FAR1: variants seen among roughly 807,000 people sequenced by gnomAD.
FAR1 encodes fatty acyl-CoA reductase 1.
In FAR1, 22 loss-of-function variants were observed where a neutral mutation model predicts 61.1. The ratio of observed to expected loss-of-function variants is 0.36; its 90% CI spans 0.26 to 0.51. FAR1 has a LOEUF of 0.51. Among genes scored for constraint, FAR1 ranks in the 20% least tolerant of loss-of-function variants. FAR1 has a pLI of 0.95. For synonymous variants in FAR1, 206 were observed against 209.7 expected, an observed-to-expected ratio of 0.98 and a Z score of 0.15; for missense variants, 359 against 626.9, an observed-to-expected ratio of 0.57 and a Z score of 4.56.
At chr11:13,723,500 CTTTA>C in intron 10 of FAR1, 1 of 334,076 alleles carries the variant, frequency 3.0e-6, no homozygotes, top group South Asian at 2.5e-5. Context: ...TCCATTTTCT[CTTTA>C]TGTTTGCCGC....
chr11:13,694,162 G>C (rs1848284326), intron 1 of FAR1, among the ~76,000 whole-genome samples: 1 of 152,128 alleles, frequency 6.6e-6, no homozygotes, highest in Non-Finnish European at 1.5e-5. Context: ...AATTTGGGTA[G>C]AGAAGATAAG....
chr11:13,717,797 C>T (rs1848571215), intron 9 of FAR1, among the ~76,000 whole-genome samples: 1 of 152,174 alleles, frequency 6.6e-6, no homozygotes, highest in African/African-American at 2.4e-5. Flanking sequence ...GACTGTGTCC[C>T]AGTAAAACTT....
Position 13,675,123 on chromosome 11 carries a change from G to A in FAR1, c.-8+6317G>A, listed in dbSNP as rs115627676. ...TATAATAATAGACATGTTAATCCAA[G>A]TGAGGTGCAAATTTGTTCATATAAA... On this transcript the variant is annotated intron_variant, in intron 1 of 11. Transcript: ENST00000354817. 3.0e-3 allele frequency among the ~76,000 whole-genome samples: 456 copies of A among 150,284 alleles called. 4 individuals carry two copies. The highest frequency in any genetic ancestry group is 0.011 in the African/African-American group (436 of 40,764).
chr11:13,728,937 CT>C lies in FAR1; in HGVS notation c.*164del. On this transcript the variant is annotated 3_prime_UTR_variant, in exon 12 of 12. Transcript: ENST00000354817. ...TTTATGTAACATTTTAATGTTTATG[CT>C]CATAAAACTTAGTGAACACACTGTG... The C allele has an allele frequency of 1.6e-6, 1 of 617,230 alleles. No homozygotes were observed. Among genetic ancestry groups the C allele is most frequent in the Non-Finnish European group, 2.7e-6 (1 of 372,138 alleles). 38.2% of individuals were successfully genotyped at this position (617,230 alleles called of 1,614,324 possible). A position where few individuals can be genotyped will look rare whatever the true frequency, so the allele number is the denominator to read the frequency against.
In FAR1 at chr11:13,691,822, A is replaced by G. The variant is rs1161628356; in HGVS notation, c.-7-2937A>G. Among the ~76,000 whole-genome samples, 5 of 152,178 alleles carry G rather than the reference A, an allele frequency of 3.3e-5. No individual in the cohort carries two copies. The South Asian group carries it at 6.2e-4, about 19-fold the overall frequency. ...CTTGGCTATCGTGAGCAGTGCTGCTATAGATTGAGTATCCCTAATCCAAAA... is the reference window on the plus strand; with the variant it reads ...CTTGGCTATCGTGAGCAGTGCTGCTGTAGATTGAGTATCCCTAATCCAAAA... On this transcript the variant is annotated intron_variant, in intron 1 of 11. Coordinates refer to ENST00000354817, the MANE Select transcript of FAR1 (RefSeq NM_032228.6).
intron 1 of FAR1, among the ~76,000 whole-genome samples, chr11:13,670,364 C>G (rs1208272498): frequency 3.9e-5 from 6 of 152,174 alleles, no homozygotes; most frequent in Non-Finnish European, 7.3e-5. Context: ...TCTTGGCTCG[C>G]TGCAACCTCC....
At chr11:13,685,012 A>G (rs969481512) in intron 1 of FAR1, among the ~76,000 whole-genome samples, 57 of 152,162 alleles carry the variant, frequency 3.7e-4, no homozygotes, top group African/African-American at 1.4e-3. Context: ...TTTCAATAAA[A>G]GATTCTATCT....
intron 4 of FAR1, among the ~76,000 whole-genome samples, chr11:13,708,373 A>C (rs1215691832): frequency 3.5e-5 from 5 of 144,550 alleles, no homozygotes; most frequent in African/African-American, 1.3e-4. Flanking sequence ...AACAAAAAAC[A>C]AAAAAAAAAC....
At chr11:13,711,663 C>G in intron 5 of FAR1, 101 bp from the exon 6 acceptor site, 1 of 884,692 alleles carries the variant, frequency 1.1e-6, no homozygotes, top group Non-Finnish European at 1.8e-6. Context: ...TTTTAGAAGA[C>G]AGCTACCAAG....
rs772165734 is a variant in FAR1, at chr11:13,714,595, T to A, written c.1042T>A (p.Leu348Ile). 3.7e-6 allele frequency: 6 copies of A among 1,613,562 alleles called. No individual in the cohort carries two copies. ...TGTAAATCTAACCTCCAATCATCTT[T>A]TATATCATTACTGGATTGCTGTAAG... Reference protein sequence around the residue: ...PNVNLTSNHLLYHYWIAVSHK... With the variant: ...PNVNLTSNHLIYHYWIAVSHK... Residue 348 changes from leucine (L) to isoleucine (I), a missense_variant, in exon 9 of 12, where the codon TTA becomes ATA. Leu to Ile is a conservative substitution (Grantham distance 5, BLOSUM62 2). Coordinates refer to ENST00000354817, the MANE Select transcript of FAR1 (RefSeq NM_032228.6).
rs115830672 is a variant in FAR1 at position 13,712,108 on chromosome 11, T to A, written c.887+62T>A. 3.3e-4 allele frequency: 377 copies of A among 1,147,326 alleles called. 3 individuals are homozygous for A. In the African/African-American group the frequency reaches 4.9e-3, roughly 15 times the overall value. 71.1% of individuals were successfully genotyped at this position (1,147,326 alleles called of 1,614,324 possible). Reference sequence around the variant, plus strand: ...GTAACTGAAAAGGGAAGACATAGCTTTTGAGTAATGTTAATTAATCCCTCT... The same window carrying A: ...GTAACTGAAAAGGGAAGACATAGCTATTGAGTAATGTTAATTAATCCCTCT... On this transcript the variant is annotated intron_variant, in intron 7 of 11. Transcript: ENST00000354817.
chr11:13,713,941 A>G (rs1178565325), intron 8 of FAR1, among the ~76,000 whole-genome samples: 1 of 152,086 alleles, frequency 6.6e-6, no homozygotes, highest in Non-Finnish European at 1.5e-5. Context: ...AAAAGCTGAA[A>G]TTGAGCGTTA....
chr11:13,692,686 T>C (rs1304245743), intron 1 of FAR1, among the ~76,000 whole-genome samples: 1 of 152,196 alleles, frequency 6.6e-6, no homozygotes, highest in Non-Finnish European at 1.5e-5. Flanking sequence ...TTAAATTCGC[T>C]TGGGGGCTAT....
At chr11:13,684,002 G>A (rs776856318) in intron 1 of FAR1, among the ~76,000 whole-genome samples, 3 of 152,168 alleles carry the variant, frequency 2.0e-5, no homozygotes, top group Non-Finnish European at 4.4e-5. Context: ...CTTGACTGCA[G>A]TACTATATTG....
chr11:13,710,684 C>A lies in FAR1; in HGVS notation c.546-9C>A, dbSNP rs772712760. On this transcript the variant is annotated splice_polypyrimidine_tract_variant and intron_variant, in intron 4 of 11. Coordinates refer to ENST00000354817, the MANE Select transcript of FAR1 (RefSeq NM_032228.6). ...CTGGAAATATATTTGTATGCAATTT[C>A]TTTACCAGGTGGATGGATGATGGCC... 6.4e-7 allele frequency: 1 copy of A among 1,558,512 alleles called. No homozygotes were observed. The highest frequency in any genetic ancestry group is 1.2e-5 in the South Asian group (1 of 81,378).
chr11:13,705,206 A>C (rs1848419333), intron 3 of FAR1, among the ~76,000 whole-genome samples: 1 of 152,144 alleles, frequency 6.6e-6, no homozygotes, highest in African/African-American at 2.4e-5. Flanking sequence ...ACTCCATATA[A>C]CCAAAACAAT....
intron 9 of FAR1, among the ~76,000 whole-genome samples, chr11:13,715,280 C>A (rs1007203793): frequency 6.6e-6 from 1 of 152,140 alleles, no homozygotes; most frequent in Non-Finnish European, 1.5e-5. Flanking sequence ...AATGCTAGGA[C>A]ATTTCTTAGA....
Position 13,681,203 on chromosome 11 carries a change from A to G in FAR1, c.-8+12397A>G, listed in dbSNP as rs138378135. The stretch of plus-strand genomic sequence containing the variant: ...TAGACAGAATATTTCAAAGTGTGAG[A>G]TCCATGAGTCCATATTTTTAAAATG... On this transcript the variant is annotated intron_variant, in intron 1 of 11. Transcript: ENST00000354817. Among the ~76,000 whole-genome samples the G allele has an allele frequency of 1.5e-3, 221 of 152,288 alleles. 1 individual carries two copies. The highest frequency in any genetic ancestry group is 5.1e-3 in the African/African-American group (212 of 41,558).
At chr11:13,669,852 A>G (rs892539304) in intron 1 of FAR1, among the ~76,000 whole-genome samples, 20 of 150,532 alleles carry the variant, frequency 1.3e-4, no homozygotes, top group Non-Finnish European at 2.4e-4. Context: ...TTTTGACTAG[A>G]TGGCAGTCAG....
Sources: allele counts gnomAD v4.1 joint callset (sites outside exome capture counted in the v4.1 genomes callset), GRCh38; gene constraint gnomAD v4.1.1; transcripts MANE v1.5; gene names NCBI Gene and HGNC (gene_info 2026-07-23, HGNC 2026-07-21).